The following VRK2 variants were observed in gnomAD, a reference collection of about 807,000 sequenced individuals.
VRK2 encodes the protein VRK serine/threonine kinase 2.
VRK2 carries 60 observed loss-of-function variants against 57.6 expected under a neutral mutation model. The observed-to-expected ratio is 1.04, with a 90% CI of 0.85 to 1.29. The LOEUF is 1.29. Among genes scored for constraint, VRK2 ranks in the 50% most tolerant of loss-of-function variants. The pLI is 0.00. For synonymous variants in VRK2, 231 were observed against 199.2 expected (o/e 1.16, Z -1.35); for missense variants, 705 against 588.1 (o/e 1.20, Z -2.06).
chr2:57,968,469 C>G (rs1671988864), intron 1 of VRK2, among the ~76,000 whole-genome samples: 1 of 151,920 alleles, frequency 6.6e-6, no homozygotes, highest in Non-Finnish European at 1.5e-5. Flanking sequence ...TAAGGCTAGA[C>G]TCATATCAGA....
intron 1 of VRK2, among the ~76,000 whole-genome samples, chr2:57,973,171 T>C (rs1672147155): frequency 6.6e-6 from 1 of 151,894 alleles, no homozygotes; most frequent in South Asian, 2.1e-4. Context: ...CCTCACAGCC[T>C]TGCCAACAGT....
intron 2 of VRK2, among the ~76,000 whole-genome samples, chr2:58,076,214 G>A (rs1670089626): frequency 1.3e-5 from 2 of 151,238 alleles, no homozygotes; most frequent in Admixed American, 6.6e-5. Context: ...TTACAGTGGG[G>A]TTATGTCCTC....
chr2:57,942,759 G>T (rs546946559), intron 1 of VRK2, among the ~76,000 whole-genome samples: 1 of 152,116 alleles, frequency 6.6e-6, no homozygotes, highest in Non-Finnish European at 1.5e-5. Context: ...CAAATCAAAG[G>T]TTCAAATTTA....
rs374298201 is a variant in VRK2 at position 57,929,271 on chromosome 2, G to A, written c.-439+21432G>A. 3.5e-4 allele frequency among the ~76,000 whole-genome samples: 54 copies of A among 152,276 alleles called. 1 individual carries two copies. In the South Asian group the frequency reaches 1.0e-2, roughly 28 times the overall value. On this transcript the variant is annotated intron_variant, in intron 1 of 15. Coordinates refer to the VRK2 transcript ENST00000417641. ...GGCTGAGTTGGCACCCAAGCCACAC[G>A]ACAGAGTCCTTCTGACTTTTCTTTC...
At chr2:58,049,619 A>G (rs1675404439) in intron 2 of VRK2, among the ~76,000 whole-genome samples, 1 of 152,200 alleles carries the variant, frequency 6.6e-6, no homozygotes, top group Non-Finnish European at 1.5e-5. Context: ...TTGAGTTGGA[A>G]TGAGGAGGGG....
intron 2 of VRK2, among the ~76,000 whole-genome samples, chr2:58,075,261 A>G (rs1176388422): frequency 2.0e-5 from 3 of 152,054 alleles, no homozygotes; most frequent in East Asian, 3.9e-4. Context: ...TCCGTAGTGT[A>G]TATGTACCAC....
chr2:58,093,869 A>G (rs976948347), intron 7 of VRK2, among the ~76,000 whole-genome samples: 5 of 152,216 alleles, frequency 3.3e-5, no homozygotes, highest in African/African-American at 9.6e-5. Context: ...ATCCAGTTTC[A>G]GCTTCCTACA....
chr2:57,973,745 G>A (rs942932105), intron 1 of VRK2, among the ~76,000 whole-genome samples: 10 of 151,706 alleles, frequency 6.6e-5, no homozygotes, highest in African/African-American at 2.2e-4. Flanking sequence ...GATAAAGAAA[G>A]GACAACTTCC....
chr2:57,933,466 C>T (rs1435211329), intron 1 of VRK2, among the ~76,000 whole-genome samples: 4 of 151,424 alleles, frequency 2.6e-5, no homozygotes, highest in Non-Finnish European at 5.9e-5. Context: ...GCACCTGCCA[C>T]CACGCCCAGC....
rs749046235 is a variant in VRK2, at chr2:58,089,691, A to G, written c.511A>G (p.Asn171Asp). ...EYVHGDIKAA[N>D]LLLGYKNPDQ... The stretch of plus-strand genomic sequence containing the variant: ...TGTTCATGGTGATATAAAAGCAGCA[A>G]ATCTACTTTTGGGTTACAAAAATCC... The change falls in exon 7 of 13, where the codon AAT (asparagine) becomes GAT (aspartate). Residue 171 changes from asparagine (N) to aspartate (D), a missense_variant. Asn to Asp is a conservative substitution (Grantham distance 23, BLOSUM62 1). Transcript: ENST00000340157. 6.2e-7 allele frequency: 1 copy of G among 1,609,352 alleles called. No homozygotes were observed. The highest frequency in any genetic ancestry group is 8.5e-7 in the Non-Finnish European group (1 of 1,176,930).
At chr2:58,106,682 G>A (rs2104384769) in intron 7 of VRK2, among the ~76,000 whole-genome samples, 1 of 152,064 alleles carries the variant, frequency 6.6e-6, no homozygotes, top group Admixed American at 6.6e-5. Context: ...TAAGATCTAG[G>A]AGGAAAAAAT....
At chr2:58,119,343 CAAA>C (rs75250405) in intron 7 of VRK2, among the ~76,000 whole-genome samples, 1 of 109,228 alleles carries the variant, frequency 9.2e-6, no homozygotes. Flanking sequence ...ACTAAAAATA[CAAA>C]AAAAAAAAAA....
rs1000727724 is a variant in VRK2, at chr2:58,101,019, A to G, written c.543+11296A>G. On this transcript the variant is annotated intron_variant, in intron 7 of 12. Transcript: ENST00000340157. The stretch of plus-strand genomic sequence containing the variant: ...TAAAAAATTCTTGTTTTGAAATCCT[A>G]TGTAAATGATAGCTATCTGAATATG... 4.0e-5 allele frequency among the ~76,000 whole-genome samples: 6 copies of G among 151,784 alleles called. No homozygotes were observed. The South Asian group carries it at 8.3e-4, about 21-fold the overall frequency.
intron 7 of VRK2, among the ~76,000 whole-genome samples, chr2:58,117,110 TA>T (rs1676638529): frequency 6.6e-6 from 1 of 152,096 alleles, no homozygotes; most frequent in African/African-American, 2.4e-5. Flanking sequence ...GATTGGGTAA[TA>T]AAATGTATAT....
At chr2:58,007,711 C>A (rs1457385357) in intron 1 of VRK2, among the ~76,000 whole-genome samples, 1 of 152,078 alleles carries the variant, frequency 6.6e-6, no homozygotes, top group Non-Finnish European at 1.5e-5. Flanking sequence ...AAAAGTTATA[C>A]ACAGATTTTC....
chr2:57,950,936 C>G (rs564592047), intron 1 of VRK2, among the ~76,000 whole-genome samples: 1 of 151,918 alleles, frequency 6.6e-6, no homozygotes, highest in Non-Finnish European at 1.5e-5. Flanking sequence ...TACTAAAATA[C>G]AAAAATTTAG....
intron 1 of VRK2, among the ~76,000 whole-genome samples, chr2:57,916,795 T>C (rs1370251250): frequency 1.3e-5 from 2 of 152,206 alleles, no homozygotes; most frequent in Non-Finnish European, 2.9e-5. Flanking sequence ...TGTCTGGCTC[T>C]GAAATTGGAC....
chr2:58,044,203 T>C (rs1674579881), upstream of VRK2, among the ~76,000 whole-genome samples: 1 of 152,220 alleles, frequency 6.6e-6, no homozygotes, highest in African/African-American at 2.4e-5. Flanking sequence ...CCTGGGGCTT[T>C]AGATTAGTAC....
chr2:58,048,395 C>G (rs757534956), intron 1 of VRK2: 9 of 404,750 alleles, frequency 2.2e-5, no homozygotes, highest in Non-Finnish European at 3.9e-5. Flanking sequence ...CAATCCAATC[C>G]TGTGTTCTTT....
Sources: allele counts gnomAD v4.1 joint callset (sites outside exome capture counted in the v4.1 genomes callset), GRCh38; gene constraint gnomAD v4.1.1; transcripts MANE v1.5; gene names NCBI Gene and HGNC (gene_info 2026-07-23, HGNC 2026-07-21).